The following MECOM variants were observed in gnomAD, a reference collection of about 807,000 sequenced individuals.
The protein encoded by MECOM is MDS1 and EVI1 complex locus.
A neutral mutation model predicts 116.3 loss-of-function variants in MECOM; 13 were observed. That is an observed-to-expected ratio of 0.11 (90% CI 0.07 to 0.18). MECOM has a LOEUF of 0.18. Among genes scored for constraint, MECOM ranks in the 10% least tolerant of loss-of-function variants. MECOM has a pLI of 1.00. For missense variants in MECOM, 1,299 were observed against 1,509.0 expected (o/e 0.86, Z 2.31); for synonymous variants, 528 against 535.2 (o/e 0.99, Z 0.19).
intron 2 of MECOM, among the ~76,000 whole-genome samples, chr3:169,380,741 T>C (rs1017659871): frequency 1.3e-5 from 2 of 151,938 alleles, no homozygotes; most frequent in African/African-American, 4.8e-5. Context: ...TAGCACAAAA[T>C]GAAAATAAAA....
intron 1 of MECOM, among the ~76,000 whole-genome samples, chr3:169,489,983 A>G (rs1024705554): frequency 1.3e-5 from 2 of 152,204 alleles, no homozygotes; most frequent in Non-Finnish European, 2.9e-5. Context: ...TGACCTTGCA[A>G]TGTATGTAAG....
intron 1 of MECOM, among the ~76,000 whole-genome samples, chr3:169,529,260 T>C (rs1758307333): frequency 1.3e-5 from 1 of 75,780 alleles, no homozygotes; most frequent in Admixed American, 1.1e-4. Context: ...TCCTACCAGC[T>C]GTGCAACCTT....
In MECOM at chr3:169,340,111, T is replaced by C. The variant is rs140699037; in HGVS notation, c.375+41076A>G. 9.4e-3 allele frequency among the ~76,000 whole-genome samples: 1,432 copies of C among 152,340 alleles called. 15 individuals are homozygous for C. The highest frequency in any genetic ancestry group is 0.017 in the Middle Eastern group (5 of 294). ...CTTACATACATGCACATTTTTCACA[T>C]ATTTAACAAGTAATACTTTTATCAC... On this transcript the variant is annotated intron_variant, in intron 2 of 16. Coordinates refer to ENST00000651503, the MANE Select transcript of MECOM (RefSeq NM_004991.4).
chr3:169,395,020 A>G (rs1734812167), intron 1 of MECOM, among the ~76,000 whole-genome samples: 1 of 152,236 alleles, frequency 6.6e-6, no homozygotes, highest in African/African-American at 2.4e-5. Flanking sequence ...TCCAAGAAAC[A>G]GCATTATATA....
At chr3:169,491,988 T>C (rs1753149913) in intron 1 of MECOM, among the ~76,000 whole-genome samples, 1 of 152,180 alleles carries the variant, frequency 6.6e-6, no homozygotes, top group Non-Finnish European at 1.5e-5. Context: ...TATTTAAATA[T>C]CAAAGAAAAC....
intron 10 of MECOM, among the ~76,000 whole-genome samples, chr3:169,103,691 A>G (rs1274071167): frequency 1.3e-5 from 2 of 152,182 alleles, no homozygotes; most frequent in Non-Finnish European, 2.9e-5. Flanking sequence ...AAAAGGCAAC[A>G]TTTCCTACTC....
intron 2 of MECOM, among the ~76,000 whole-genome samples, chr3:169,272,470 G>T (rs1314309664): frequency 6.6e-6 from 1 of 152,026 alleles, no homozygotes; most frequent in African/African-American, 2.4e-5. Context: ...ATGTTTTGAG[G>T]TAAAAGAAAT....
chr3:169,241,394 A>T (rs1440030516), intron 2 of MECOM, among the ~76,000 whole-genome samples: 2 of 152,180 alleles, frequency 1.3e-5, no homozygotes, highest in Non-Finnish European at 2.9e-5. Context: ...TAGAAACATA[A>T]TTAACTGAAA....
intron 14 of MECOM, among the ~76,000 whole-genome samples, chr3:169,091,635 G>GCA (rs150542980): frequency 5.4e-4 from 81 of 151,004 alleles, no homozygotes; most frequent in African/African-American, 1.6e-3. Context: ...AGACAGACAC[G>GCA]CACACACACA....
intron 1 of MECOM, among the ~76,000 whole-genome samples, chr3:169,487,401 T>C (rs904305900): frequency 3.3e-5 from 5 of 152,120 alleles, no homozygotes; most frequent in Non-Finnish European, 7.4e-5. Context: ...GGGGACAATC[T>C]GAATTAATGT....
intron 3 of MECOM, chr3:169,134,039 T>A: frequency 1.1e-6 from 1 of 939,322 alleles, no homozygotes; most frequent in Non-Finnish European, 1.5e-6. Context: ...AAAGAGACAA[T>A]ACCCTACAAG....
At chr3:169,143,513 A>T (rs1218603505) in intron 3 of MECOM, among the ~76,000 whole-genome samples, 185 bp downstream of exon 3, 1 of 152,168 alleles carries the variant, frequency 6.6e-6, no homozygotes, top group African/African-American at 2.4e-5. Context: ...CTACCCAAAG[A>T]ATGTAAAGAA....
intron 2 of MECOM, among the ~76,000 whole-genome samples, chr3:169,171,896 G>A (rs1447513962): frequency 6.6e-6 from 1 of 152,028 alleles, no homozygotes; most frequent in Non-Finnish European, 1.5e-5. Context: ...AAGCTCCCAA[G>A]AGAGGAAACA....
intron 1 of MECOM, among the ~76,000 whole-genome samples, chr3:169,537,163 T>C (rs1255649235): frequency 6.6e-6 from 1 of 152,218 alleles, no homozygotes; most frequent in African/African-American, 2.4e-5. Context: ...GTTCAAACTT[T>C]ACCCAACAAG....
chr3:169,473,788 AAC>A (rs1491529941), intron 1 of MECOM, among the ~76,000 whole-genome samples: 8 of 129,442 alleles, frequency 6.2e-5, no homozygotes, highest in Admixed American at 5.2e-4. Context: ...CAAAAACAAA[AAC>A]AAAATACCAG....
At position 169,662,001 on chromosome 3, in the gene MECOM, G is replaced by A. The variant is rs148491169; in HGVS notation, c.37+1335C>T. The stretch of plus-strand genomic sequence containing the variant: ...GAAGAGCGCTCCCAGCCGCTCCGGG[G>A]CTCAGTGTCCCTGAGTCCCCTTCAA... On this transcript the variant is annotated intron_variant, in intron 1 of 16. Coordinates refer to ENST00000651503, the MANE Select transcript of MECOM (RefSeq NM_004991.4). Among the ~76,000 whole-genome samples the A allele has an allele frequency of 5.3e-5, 8 of 152,332 alleles. No homozygotes were observed. The East Asian group carries it at 1.3e-3, about 26-fold the overall frequency.
chr3:169,138,403 G>A (rs1737033364), intron 3 of MECOM, among the ~76,000 whole-genome samples: 3 of 152,088 alleles, frequency 2.0e-5, no homozygotes, highest in Admixed American at 2.0e-4. Flanking sequence ...ATGAGGTGAT[G>A]TTTGTTTTAT....
At chr3:169,173,305 C>T (rs1744710301) in intron 2 of MECOM, among the ~76,000 whole-genome samples, 1 of 152,014 alleles carries the variant, frequency 6.6e-6, no homozygotes, top group Non-Finnish European at 1.5e-5. Context: ...TGCTGAATTT[C>T]CTCCAAGATT....
intron 13 of MECOM, among the ~76,000 whole-genome samples, chr3:169,094,705 G>A (rs1324868065): frequency 1.3e-5 from 2 of 152,144 alleles, no homozygotes; most frequent in Non-Finnish European, 2.9e-5. Flanking sequence ...GACATTCTGG[G>A]GCTGCTACTC....
Sources: allele counts gnomAD v4.1 joint callset (sites outside exome capture counted in the v4.1 genomes callset), GRCh38; gene constraint gnomAD v4.1.1; transcripts MANE v1.5; gene names NCBI Gene and HGNC (gene_info 2026-07-23, HGNC 2026-07-21).